Variants in ARHGAP27 observed in about 807,000 individuals in gnomAD.
ARHGAP27 encodes the protein Rho GTPase activating protein 27.
ARHGAP27 carries 53 observed loss-of-function variants against 102.0 expected under a neutral mutation model. The observed-to-expected ratio is 0.52, with a 90% CI of 0.42 to 0.65. The LOEUF is 0.65. Ranked by LOEUF, ARHGAP27 falls within the 30% of genes least tolerant of loss-of-function variation. ARHGAP27 has a pLI of 0.00. For missense variants in ARHGAP27, 1,117 were observed against 1,256.2 expected, an observed-to-expected ratio of 0.89 and a Z score of 1.68; for synonymous variants, 525 against 542.8, an observed-to-expected ratio of 0.97 and a Z score of 0.46.
At chr17:45,406,185 C>T (rs56236914) in intron 4 of ARHGAP27, 102 bp from the exon 5 acceptor site, 216,017 of 1,318,744 alleles carry the variant, frequency 0.16, 19,807 homozygotes, top group Middle Eastern at 0.2. Flanking sequence ...TATTTGTTTT[C>T]GCTTTATTTT....
rs569612207 is a variant in ARHGAP27, at chr17:45,404,583, C to G, written c.1329+18G>C. 6.2e-7 allele frequency: 1 copy of G among 1,614,024 alleles called. No homozygotes were observed. The highest frequency in any genetic ancestry group is 1.7e-5 in the Admixed American group (1 of 60,006). ...CTCTTCCTCTCTCCCCAACACCCCC[C>G]TTTCCCCAGGTTGTTACCTGGGGCA... On this transcript the variant is annotated intron_variant, in intron 7 of 19. Transcript: ENST00000685559.
Position 45,430,373 on chromosome 17 carries a change from T to G in ARHGAP27, c.-18-76A>C, listed in dbSNP as rs1383691543. On this transcript the variant is annotated intron_variant, in intron 3 of 19. Transcript: ENST00000685559. The surrounding 1 kb of genome is among the most constrained non-coding windows in gnomAD (Gnocchi z 4.4). ...AATAGCCCCGCACTCGGGGACAGAC[T>G]TGGGTTCGAGTCCCGATCCTGCACT... 6.8e-6 allele frequency: 10 copies of G among 1,480,490 alleles called. No homozygotes were observed. In the Admixed American group the frequency reaches 1.1e-4, roughly 16 times the overall value. The allele number at this position is 1,480,490 out of a possible 1,614,324, so 91.7% of individuals were successfully genotyped here.
At position 45,395,129 on chromosome 17, in the gene ARHGAP27, C is replaced by A. The variant is rs557204140; in HGVS notation, c.*327G>T. The A allele has an allele frequency of 2.3e-5, 9 of 398,896 alleles. No individual in the cohort carries two copies. In the South Asian group the frequency reaches 2.8e-4, roughly 12 times the overall value. The allele number at this position is 398,896 out of a possible 1,614,324, so 24.7% of individuals were successfully genotyped here. A position where few individuals can be genotyped will look rare whatever the true frequency, so the allele number is the denominator to read the frequency against. The stretch of plus-strand genomic sequence containing the variant: ...ATCAAACTCCTCCTCCCAGCACCTA[C>A]CATTCCAGAAAACAAACTCTCACCC... On this transcript the variant is annotated 3_prime_UTR_variant, in exon 20 of 20. Transcript: ENST00000685559.
chr17:45,417,824 C>T (rs1428837122), intron 4 of ARHGAP27, among the ~76,000 whole-genome samples: 4 of 151,054 alleles, frequency 2.6e-5, no homozygotes, highest in Admixed American at 1.3e-4. Context: ...GAGGCGGAGG[C>T]GGGTGGATCA....
In ARHGAP27 at chr17:45,396,116, A is replaced by C. The variant is rs201653326; in HGVS notation, c.2253T>G (p.Asp751Glu). The C allele has an allele frequency of 1.2e-5, 20 of 1,610,014 alleles. No homozygotes were observed. The Admixed American group carries it at 2.2e-4, about 18-fold the overall frequency. ...GCCCGTCATCCAGGTCAAGGCGCTC[A>C]TCTGTGGCGGAGGAAGGGAGGAGGA... ...IQKLRYKVDH[D>E]ERLDLDDGRW... Residue 751 changes from aspartate (D) to glutamate (E), a missense_variant and splice_region_variant, in exon 18 of 20, where the codon GAT becomes GAG. Around this residue, in one of 3 missense-constraint regions of ARHGAP27, gnomAD observed 493 missense variants for 505.5 expected, o/e 0.98. Coordinates refer to ENST00000685559, the MANE Select transcript of ARHGAP27 (RefSeq NM_001282290.2).
chr17:45,412,172 A>G (rs1449617133), intron 4 of ARHGAP27, among the ~76,000 whole-genome samples: 2 of 152,188 alleles, frequency 1.3e-5, no homozygotes, highest in Admixed American at 1.3e-4. Context: ...GCCCCAAACT[A>G]TAGGGAGTGA....
chr17:45,424,765 A>G (rs1377765414), intron 4 of ARHGAP27, among the ~76,000 whole-genome samples: 1 of 152,140 alleles, frequency 6.6e-6, no homozygotes, highest in Non-Finnish European at 1.5e-5. Flanking sequence ...AATAGCCACT[A>G]AAGAACTTAT....
At position 45,404,011 on chromosome 17, in the gene ARHGAP27, G is replaced by T; in HGVS notation, c.1547+18C>A. ...CAAGGCCCACCCTGCCCCGGCCTGA[G>T]TGTAGATGGGCTCTCACCGGAGCCG... On this transcript the variant is annotated intron_variant, in intron 10 of 19. Coordinates refer to ENST00000685559, the MANE Select transcript of ARHGAP27 (RefSeq NM_001282290.2). 6.2e-7 allele frequency: 1 copy of T among 1,613,726 alleles called. No homozygotes were observed. Among genetic ancestry groups the T allele is most frequent in the Non-Finnish European group, 8.5e-7 (1 of 1,179,878 alleles).
intron 4 of ARHGAP27, among the ~76,000 whole-genome samples, chr17:45,424,385 G>A (rs1410654765): frequency 3.9e-5 from 6 of 152,136 alleles, no homozygotes; most frequent in Non-Finnish European, 7.4e-5. Context: ...CTCACTCCCC[G>A]GCACAGATCC....
intron 4 of ARHGAP27, among the ~76,000 whole-genome samples, chr17:45,424,369 T>C (rs953139514): frequency 1.3e-5 from 2 of 152,210 alleles, no homozygotes; most frequent in African/African-American, 4.8e-5. Context: ...CAACAGCCAC[T>C]GACCTCTCAC....
chr17:45,395,958 C>T, intron 18 of ARHGAP27, 25 bp downstream of exon 18: 2 of 1,596,622 alleles, frequency 1.3e-6, no homozygotes, highest in South Asian at 1.1e-5. Flanking sequence ...CTACCCCATC[C>T]GCCCCACCTG....
At chr17:45,410,075 C>T (rs1182059360) in intron 4 of ARHGAP27, 3 of 967,602 alleles carry the variant, frequency 3.1e-6, no homozygotes, top group Non-Finnish European at 4.5e-6. Context: ...AAGCTGACCA[C>T]CTCTTGGATG....
chr17:45,412,672 G>A (rs2048041545), intron 4 of ARHGAP27, among the ~76,000 whole-genome samples: 1 of 152,182 alleles, frequency 6.6e-6, no homozygotes, highest in African/African-American at 2.4e-5. Flanking sequence ...CCACACGACA[G>A]GTCCCTCCCC....
Position 45,398,001 on chromosome 17 carries a change from T to C in ARHGAP27, c.1790A>G (p.Glu597Gly). 6.2e-7 allele frequency: 1 copy of C among 1,610,958 alleles called. No homozygotes were observed. Residue 597 changes from glutamate (E) to glycine (G), a missense_variant, in exon 13 of 20, where the codon GAG becomes GGG. Physicochemically the swap from Glu to Gly is moderately conservative, Grantham distance 98. Transcript: ENST00000685559. ...GSEYLIQHDS[E>G]AIISTWHKAI... ...CTTATGCCAGGTGCTGATGATGGCC[T>C]CCGAGTCGTGCTGGATCAGGTACTC...
chr17:45,407,784 G>T (rs2047395136), intron 4 of ARHGAP27: 1 of 152,118 alleles, frequency 6.6e-6, no homozygotes, highest in Non-Finnish European at 1.5e-5. Context: ...AAAGTGCTGG[G>T]ATTACAGGTG....
In ARHGAP27 at chr17:45,394,957, TGAAGGCTGGG is replaced by T. The variant is rs2045415666; in HGVS notation, c.*489_*498del. The stretch of plus-strand genomic sequence containing the variant: ...GGAGGATAGCTTCAGCAGCCCACAC[TGAAGGCTGGG>T]TCAGTCCTGTTTCCACAGTGGGGAA... On this transcript the variant is annotated 3_prime_UTR_variant, in exon 20 of 20. Coordinates refer to ENST00000685559, the MANE Select transcript of ARHGAP27 (RefSeq NM_001282290.2). The T allele has an allele frequency of 1.3e-5, 2 of 154,944 alleles. No individual in the cohort carries two copies. The highest frequency in any genetic ancestry group is 4.8e-5 in the African/African-American group (2 of 41,492). 9.6% of individuals were successfully genotyped at this position (154,944 alleles called of 1,614,324 possible). A position where few individuals can be genotyped will look rare whatever the true frequency, so the allele number is the denominator to read the frequency against.
intron 4 of ARHGAP27, among the ~76,000 whole-genome samples, chr17:45,415,166 T>A (rs1287499232): frequency 6.6e-6 from 1 of 152,066 alleles, no homozygotes; most frequent in Non-Finnish European, 1.5e-5. Context: ...CCAACTTCTC[T>A]GTTCCCTCAC....
chr17:45,395,769 G>A lies in ARHGAP27; in HGVS notation c.2467C>T (p.Arg823Trp), dbSNP rs751052810. 27 of 1,601,616 alleles carry A rather than the reference G, an allele frequency of 1.7e-5. 1 individual carries two copies. In the South Asian group the frequency reaches 3.0e-4, roughly 18 times the overall value. ...CGGCAGAGGTGCTGGAAGAGCATCCGCAGAGTGTCGTGGTTGGGAGCGGGC... is the reference window on the plus strand; with the variant it reads ...CGGCAGAGGTGCTGGAAGAGCATCCACAGAGTGTCGTGGTTGGGAGCGGGC... Reference protein sequence around the residue: ...SLPAPNHDTLRMLFQHLCRVI... With the variant: ...SLPAPNHDTLWMLFQHLCRVI... The change falls in exon 19 of 20, where the codon CGG (arginine) becomes TGG (tryptophan). Residue 823 changes from arginine (R) to tryptophan (W), a missense_variant. Coordinates refer to ENST00000685559, the MANE Select transcript of ARHGAP27 (RefSeq NM_001282290.2).
Position 45,395,609 on chromosome 17 carries a change from G to T in ARHGAP27, c.2517C>A (p.Asn839Lys). Residue 839 changes from asparagine to lysine, a missense_variant, in exon 20 of 20, where the codon AAC (asparagine) becomes AAA (lysine). Asn to Lys is a moderately conservative substitution (Grantham distance 94). Around this residue, in one of 3 missense-constraint regions of ARHGAP27, gnomAD observed 493 missense variants for 505.5 expected, o/e 0.98. Transcript: ENST00000685559. Reference sequence around the variant, plus strand: ...TGGCCACGCTCTGCACCGACATGCGGTTCTGCTCGCCGTGCTCGATCACCC... The same window carrying T: ...TGGCCACGCTCTGCACCGACATGCGTTTCTGCTCGCCGTGCTCGATCACCC... ...LCRVIEHGEQ[N>K]RMSVQSVAIV... 1 of 1,607,480 alleles carries T rather than the reference G, an allele frequency of 6.2e-7. No individual in the cohort carries two copies. Among genetic ancestry groups the T allele is most frequent in the Non-Finnish European group, 8.5e-7 (1 of 1,177,232 alleles).
Sources: gnomAD v4.1 joint callset for allele counts (sites outside exome capture counted in the v4.1 genomes callset) on GRCh38, gnomAD v4.1.1 for gene constraint, gnomAD v4.1.1 regional missense constraint, Gnocchi (gnomAD v3.1) non-coding constraint, MANE v1.5 for transcripts, NCBI Gene and HGNC (gene_info 2026-07-23, HGNC 2026-07-21) for gene names.